The following ACVR1 variants were observed in gnomAD, a reference collection of about 807,000 sequenced individuals.
The protein encoded by ACVR1 is activin A receptor type 1.
ACVR1 carries 38 observed loss-of-function variants against 57.1 expected under a neutral mutation model. The observed-to-expected ratio is 0.67, with a 90% CI of 0.51 to 0.87. The LOEUF is 0.87. Among genes scored for constraint, ACVR1 ranks in the 40% least tolerant of loss-of-function variants. The pLI is 0.00. For synonymous variants in ACVR1, 212 were observed against 228.1 expected (o/e 0.93, Z 0.63); for missense variants, 463 against 638.2 (o/e 0.73, Z 2.96).
At chr2:157,831,733 CACAGGAT>C (rs1234486027) in intron 1 of ACVR1, among the ~76,000 whole-genome samples, 2 of 152,132 alleles carry the variant, frequency 1.3e-5, no homozygotes, top group Non-Finnish European at 2.9e-5. Context: ...TCACTCAGTT[CACAGGAT>C]GATCAGGAGA....
intron 1 of ACVR1, among the ~76,000 whole-genome samples, chr2:157,832,128 A>G (rs1418793277): frequency 1.3e-5 from 2 of 151,996 alleles, no homozygotes; most frequent in African/African-American, 4.8e-5. Context: ...TGAGGAATGA[A>G]CCTAGGCATG....
intron 2 of ACVR1, among the ~76,000 whole-genome samples, chr2:157,811,893 T>A (rs1211862837): frequency 6.6e-6 from 1 of 152,232 alleles, no homozygotes; most frequent in African/African-American, 2.4e-5. Context: ...ATTGTGGCAC[T>A]TCTGAGAATA....
chr2:157,767,554 C>T (rs766598857), intron 7 of ACVR1, among the ~76,000 whole-genome samples: 9 of 152,052 alleles, frequency 5.9e-5, no homozygotes, highest in South Asian at 2.1e-4. Context: ...TTTTTTAAGA[C>T]GGATATGGCT....
In ACVR1 at chr2:157,851,486, G is replaced by A. The variant is rs190825561; in HGVS notation, c.-183+24310C>T. ...GCAACAAGGCAGGCAGGATGGTGAC[G>A]ACCAGTGGAAGCTATGGAGACATTC... is the stretch of plus-strand genomic sequence containing the variant. On this transcript the variant is annotated intron_variant, in intron 1 of 10. Coordinates refer to ENST00000434821, the MANE Select transcript of ACVR1 (RefSeq NM_001111067.4). Among the ~76,000 whole-genome samples the A allele has an allele frequency of 6.1e-3, 931 of 152,200 alleles. 10 individuals are homozygous for A. The highest frequency in any genetic ancestry group is 0.031 in the Middle Eastern group (9 of 292).
chr2:157,738,697 G>T, intron 9 of ACVR1, 127 bp from the exon 10 acceptor site: 1 of 1,416,436 alleles, frequency 7.1e-7, no homozygotes. Flanking sequence ...TCATACCTCA[G>T]GGCAGTCCTG....
intron 1 of ACVR1, chr2:157,875,140 G>A (rs1205732331): frequency 2.6e-5 from 4 of 152,206 alleles, no homozygotes; most frequent in African/African-American, 9.7e-5. Context: ...TAGCCTCACT[G>A]TTTTGGTTAC....
At chr2:157,830,806 C>G (rs1000777333) in intron 1 of ACVR1, among the ~76,000 whole-genome samples, 2 of 152,052 alleles carry the variant, frequency 1.3e-5, no homozygotes, top group Non-Finnish European at 2.9e-5. Context: ...CTCATGCCCC[C>G]ATACAATTCC....
At chr2:157,796,597 T>C (rs1019395824) in intron 3 of ACVR1, among the ~76,000 whole-genome samples, 13 of 152,032 alleles carry the variant, frequency 8.6e-5, no homozygotes, top group Admixed American at 6.6e-4. Flanking sequence ...TCATATAGAA[T>C]TGATATGGTA....
At chr2:157,784,653 G>T (rs1034573518) in intron 3 of ACVR1, among the ~76,000 whole-genome samples, 3 of 152,246 alleles carry the variant, frequency 2.0e-5, no homozygotes, top group Non-Finnish European at 4.4e-5. Flanking sequence ...GAACAGCAGG[G>T]AGTTCTGACC....
At chr2:157,795,622 C>T (rs1232154365) in intron 3 of ACVR1, among the ~76,000 whole-genome samples, 5 of 152,074 alleles carry the variant, frequency 3.3e-5, no homozygotes, top group Non-Finnish European at 7.4e-5. Flanking sequence ...AATAGCAAAA[C>T]CTTAAGGGTC....
intron 8 of ACVR1, among the ~76,000 whole-genome samples, chr2:157,764,434 C>T (rs996559580): frequency 2.0e-5 from 3 of 150,898 alleles, no homozygotes; most frequent in East Asian, 1.9e-4. Context: ...TCTTGAACTC[C>T]TGACCTCAAG....
Position 157,876,323 on chromosome 2 carries a change from C to G in ACVR1, c.-710G>C, listed in dbSNP as rs1383830084. On this transcript the variant is annotated 5_prime_UTR_variant, in exon 1 of 11. Coordinates refer to ENST00000434821, the MANE Select transcript of ACVR1 (RefSeq NM_001111067.4). ...GAGGCTGCGGCGGCGGCGGCGGCTG[C>G]AAAGAGCAGGAGCCGGAGCGGGAGG... is the stretch of plus-strand genomic sequence containing the variant. Among the ~76,000 whole-genome samples the G allele has an allele frequency of 6.6e-6, 1 of 150,844 alleles. No individual in the cohort carries two copies. The highest frequency in any genetic ancestry group is 2.0e-4 in the East Asian group (1 of 5,080).
chr2:157,843,635 T>A (rs1689042590), intron 1 of ACVR1, among the ~76,000 whole-genome samples: 1 of 152,164 alleles, frequency 6.6e-6, no homozygotes, highest in African/African-American at 2.4e-5. Flanking sequence ...TATGTCACAG[T>A]CTCTGGATTC....
At chr2:157,762,326 T>C (rs1685691695) in intron 8 of ACVR1, among the ~76,000 whole-genome samples, 1 of 152,234 alleles carries the variant, frequency 6.6e-6, no homozygotes, top group Admixed American at 6.5e-5. Flanking sequence ...TTACTAATGT[T>C]CATCTTTTAC....
intron 5 of ACVR1, 93 bp from the exon 6 acceptor site, chr2:157,774,280 G>T: frequency 2.0e-6 from 2 of 1,005,366 alleles, no homozygotes; most frequent in South Asian, 1.3e-5. Context: ...CTCACATGAA[G>T]GGCAGCAATC....
chr2:157,778,437 G>T, intron 4 of ACVR1, 95 bp from the exon 5 acceptor site: 1 of 1,027,378 alleles, frequency 9.7e-7, no homozygotes, highest in Non-Finnish European at 1.5e-6. Context: ...TCCTGATCCT[G>T]ACCACACAGT....
rs531144861 is a variant in ACVR1 at position 157,802,974 on chromosome 2, T to C, written c.-7-3474A>G. Among the ~76,000 whole-genome samples, 10 of 152,236 alleles carry C rather than the reference T, an allele frequency of 6.6e-5. 1 individual carries two copies. The highest frequency in any genetic ancestry group is 5.2e-4 in the Admixed American group (8 of 15,286). On this transcript the variant is annotated intron_variant, in intron 2 of 10. Transcript: ENST00000434821. ...AATTAGTAGCATCCCTTCCCCACCATGCACACAGACACACACAGAGAGACC... is the reference window on the plus strand; with the variant it reads ...AATTAGTAGCATCCCTTCCCCACCACGCACACAGACACACACAGAGAGACC...
chr2:157,845,144 A>C (rs1215800351), intron 1 of ACVR1, among the ~76,000 whole-genome samples: 3 of 152,220 alleles, frequency 2.0e-5, no homozygotes, highest in African/African-American at 7.2e-5. Context: ...TAGGCATGCC[A>C]GTCATGTCAA....
intron 1 of ACVR1, among the ~76,000 whole-genome samples, chr2:157,855,125 C>T (rs771921590): frequency 2.5e-4 from 38 of 151,086 alleles, no homozygotes; most frequent in Non-Finnish European, 5.3e-4. Context: ...TCAAAAATGC[C>T]AACGAACTGG....
Sources: gnomAD v4.1 joint callset for allele counts (sites outside exome capture counted in the v4.1 genomes callset) on GRCh38, gnomAD v4.1.1 for gene constraint, MANE v1.5 for transcripts, NCBI Gene and HGNC (gene_info 2026-07-23, HGNC 2026-07-21) for gene names.